The following CTDSP2 variants were observed in gnomAD, a reference collection of about 807,000 sequenced individuals.
The protein encoded by CTDSP2 is carboxy-terminal domain RNA polymerase II polypeptide A small phosphatase 2.
A neutral mutation model predicts 31.6 loss-of-function variants in CTDSP2; 9 were observed. That is an observed-to-expected ratio of 0.28 (90% CI 0.17 to 0.50). The LOEUF (loss-of-function observed/expected upper bound fraction) is 0.50. Ranked by LOEUF, CTDSP2 falls within the 20% of genes least tolerant of loss-of-function variation. The probability of loss-of-function intolerance (pLI) is 0.98; values close to 1 mark genes in which losing one functional copy is unlikely to be tolerated. For synonymous variants in CTDSP2, 134 were observed against 134.5 expected (o/e 1.00, Z 0.03); for missense variants, 267 against 348.5 (o/e 0.77, Z 1.86).
rs61390174 is a variant in CTDSP2 at position 57,832,790 on chromosome 12, T to TAAAAAAAAAAAA, written c.65-3206_65-3195dup. The stretch of plus-strand genomic sequence containing the variant: ...CTGGGCAACAGAGCGAGACTCTGGC[T>TAAAAAAAAAAAA]AAAAAAAAAAAAAAAAAAAAAAAAA... On this transcript the variant is annotated intron_variant, in intron 1 of 7. Transcript: ENST00000398073. Among the ~76,000 whole-genome samples, 6 of 44,898 alleles carry TAAAAAAAAAAAA rather than the reference T, an allele frequency of 1.3e-4. 1 individual carries two copies. The highest frequency in any genetic ancestry group is 3.3e-3 in the South Asian group (2 of 610). The allele number at this position is 44,898 out of a possible 152,430, so 29.5% of individuals were successfully genotyped here. A position where few individuals can be genotyped will look rare whatever the true frequency, so the allele number is the denominator to read the frequency against.
intron 1 of CTDSP2, among the ~76,000 whole-genome samples, chr12:57,831,515 T>G (rs1206810513): frequency 6.6e-6 from 1 of 152,196 alleles, no homozygotes; most frequent in African/African-American, 2.4e-5. Context: ...TGATGACTGT[T>G]GAGCAAGAGT....
chr12:57,822,734 C>G lies in CTDSP2; in HGVS notation c.*868G>C, dbSNP rs565869772. On this transcript the variant is annotated 3_prime_UTR_variant, in exon 8 of 8. Transcript: ENST00000398073. ...ATTTGTCTTTTCCCTGCAACCCCAG[C>G]GCCGCCGACATTCATTACAGGCCCA... 1.3e-5 allele frequency: 2 copies of G among 152,286 alleles called. No homozygotes were observed. Among genetic ancestry groups the G allele is most frequent in the Non-Finnish European group, 2.9e-5 (2 of 68,068 alleles). The allele number at this position is 152,286 out of a possible 1,614,324, so 9.4% of individuals were successfully genotyped here.
Position 57,823,426 on chromosome 12 carries a change from G to T in CTDSP2, c.*176C>A. ...GCGGCAGGTAGCTCTGGGTATCATTGGTCTGGCATTCGCCCACTCGGCATC... is the reference window on the plus strand; with the variant it reads ...GCGGCAGGTAGCTCTGGGTATCATTTGTCTGGCATTCGCCCACTCGGCATC... On this transcript the variant is annotated 3_prime_UTR_variant, in exon 8 of 8. Transcript: ENST00000398073. 1 of 655,994 alleles carries T rather than the reference G, an allele frequency of 1.5e-6. No individual in the cohort carries two copies. The highest frequency in any genetic ancestry group is 2.6e-6 in the Non-Finnish European group (1 of 385,924). The allele number at this position is 655,994 out of a possible 1,614,324, so 40.6% of individuals were successfully genotyped here.
In CTDSP2 at chr12:57,827,561, C is replaced by T. The variant is rs1276059329; in HGVS notation, c.243G>A (p.Gln81=). The change falls in exon 3 of 8, where the codon CAG becomes CAA. Residue 81 remains glutamine, a synonymous_variant. Coordinates refer to ENST00000398073, the MANE Select transcript of CTDSP2 (RefSeq NM_005730.4). ...GGCCAGAGTCACGTACCTGGTAGAA[C>T]TGGTACTGGAGACACTGGAGCAGAT... ...KSDLLQCLQY[Q]FYQIPGTCLL... is the part of the protein sequence containing the mutation. The T allele has an allele frequency of 1.2e-6, 2 of 1,614,070 alleles. No individual in the cohort carries two copies. The highest frequency in any genetic ancestry group is 1.7e-6 in the Non-Finnish European group (2 of 1,179,996).
At chr12:57,840,066 A>C (rs1956273446) in intron 1 of CTDSP2, among the ~76,000 whole-genome samples, 2 of 152,184 alleles carry the variant, frequency 1.3e-5, no homozygotes, top group South Asian at 4.1e-4. Context: ...GGGACCACCA[A>C]GAGGAATTTT....
chr12:57,824,654 A>C, intron 5 of CTDSP2: 1 of 554,096 alleles, frequency 1.8e-6, no homozygotes, highest in South Asian at 1.4e-5. Flanking sequence ...TCACAGATGG[A>C]AACAGCCTAT....
At position 57,826,370 on chromosome 12, in the gene CTDSP2, T is replaced by C; in HGVS notation, c.387A>G (p.Ile129Met). 2 of 1,614,108 alleles carry C rather than the reference T, an allele frequency of 1.2e-6. No homozygotes were observed. The highest frequency in any genetic ancestry group is 1.7e-6 in the Non-Finnish European group (2 of 1,180,004). The change falls in exon 5 of 8, where the codon ATA becomes ATG. Residue 129 changes from isoleucine to methionine, a missense_variant. Ile to Met is a conservative substitution (Grantham distance 10, BLOSUM62 1). Coordinates refer to ENST00000398073, the MANE Select transcript of CTDSP2 (RefSeq NM_005730.4). ...PINNADFIVP[I>M]EIEGTTHQVY... ...CCTGGTGAGTGGTCCCCTCAATCTCTATAGGCACTATGAAGTCAGCATTGT... is the reference window on the plus strand; with the variant it reads ...CCTGGTGAGTGGTCCCCTCAATCTCCATAGGCACTATGAAGTCAGCATTGT...
rs748943818 is a variant in CTDSP2 at position 57,846,382 on chromosome 12, G to C, written c.54C>G (p.Leu18=). ...AGTTGCTGCCCCTACCTTGCTTGGT[G>C]AGCACCAGGGCGTCTTCCCTCCGCG... The part of the protein sequence containing the change: ...TQARREDALV[L]TKQGLVSKSS... Residue 18 remains leucine, a synonymous_variant, in exon 1 of 8, where the codon CTC becomes CTG. Coordinates refer to ENST00000398073, the MANE Select transcript of CTDSP2 (RefSeq NM_005730.4). 1.9e-6 allele frequency: 3 copies of C among 1,608,358 alleles called. No individual in the cohort carries two copies. The South Asian group carries it at 3.3e-5, about 18-fold the overall frequency.
Position 57,829,608 on chromosome 12 carries a change from A to C in CTDSP2, c.65-12T>G, listed in dbSNP as rs1956203221. 1.2e-6 allele frequency: 2 copies of C among 1,612,276 alleles called. No individual in the cohort carries two copies. The highest frequency in any genetic ancestry group is 1.7e-6 in the Non-Finnish European group (2 of 1,178,432). On this transcript the variant is annotated splice_polypyrimidine_tract_variant and intron_variant, in intron 1 of 7. Transcript: ENST00000398073. ...CTTGGAGACCAGGCCTAGGGTGGAG[A>C]GAATGACAGAGGCTTTAGCTCTAGG...
At chr12:57,839,723 C>CAAA (rs369168386) in intron 1 of CTDSP2, among the ~76,000 whole-genome samples, 7 of 147,718 alleles carry the variant, frequency 4.7e-5, no homozygotes, top group Non-Finnish European at 7.5e-5. Context: ...GACTCCATCT[C>CAAA]AAAAAAAAAA....
intron 1 of CTDSP2, among the ~76,000 whole-genome samples, chr12:57,841,608 T>C (rs1233553509): frequency 1.3e-5 from 2 of 152,224 alleles, no homozygotes; most frequent in Non-Finnish European, 2.9e-5. Context: ...CCAAGTCACA[T>C]GACACAAAGA....
In CTDSP2 at chr12:57,846,623, G is replaced by C; in HGVS notation, c.-188C>G. On this transcript the variant is annotated 5_prime_UTR_variant, in exon 1 of 8. Coordinates refer to ENST00000398073, the MANE Select transcript of CTDSP2 (RefSeq NM_005730.4). ...GAGGCGGCCTGTACAAAGGGCGGGCGGCCCGGGCAGCGGCTCCCCCGGGTG... is the reference window on the plus strand; with the variant it reads ...GAGGCGGCCTGTACAAAGGGCGGGCCGCCCGGGCAGCGGCTCCCCCGGGTG... 2.1e-6 allele frequency: 1 copy of C among 486,906 alleles called. No homozygotes were observed. The highest frequency in any genetic ancestry group is 3.5e-6 in the Non-Finnish European group (1 of 287,640). 30.2% of individuals were successfully genotyped at this position (486,906 alleles called of 1,614,324 possible). A position where few individuals can be genotyped will look rare whatever the true frequency, so the allele number is the denominator to read the frequency against.
At chr12:57,823,864 C>T (rs2140472441) in intron 7 of CTDSP2, 40 bp downstream of exon 7, 3 of 1,611,498 alleles carry the variant, frequency 1.9e-6, no homozygotes, top group East Asian at 4.5e-5. Context: ...TCTGCTTCCT[C>T]TCCCAATCCC....
rs147247757 is a variant in CTDSP2 at position 57,830,212 on chromosome 12, T to C, written c.65-616A>G. Among the ~76,000 whole-genome samples the C allele has an allele frequency of 7.0e-3, 1,069 of 152,212 alleles. 14 individuals are homozygous for C. The highest frequency in any genetic ancestry group is 0.024 in the African/African-American group (1,010 of 41,528). ...CAATCTGGCTAACACGGTGAAACCC[T>C]GTCTCTACTAAAAATACAAAAAATT... On this transcript the variant is annotated intron_variant, in intron 1 of 7. Coordinates refer to ENST00000398073, the MANE Select transcript of CTDSP2 (RefSeq NM_005730.4).
intron 1 of CTDSP2, among the ~76,000 whole-genome samples, chr12:57,841,815 G>A (rs4760334): frequency 0.99 from 151,107 of 152,352 alleles, 74,950 homozygotes; most frequent in Middle Eastern, 1. Context: ...TATGTAAAGA[G>A]GGAGGACATT....
At chr12:57,838,315 C>A (rs760902431) in intron 1 of CTDSP2, among the ~76,000 whole-genome samples, 2 of 152,214 alleles carry the variant, frequency 1.3e-5, no homozygotes, top group Non-Finnish European at 2.9e-5. Context: ...ACTCAAAGGA[C>A]TGGATCCTGC....
At chr12:57,827,895 A>C (rs1246540290) in intron 2 of CTDSP2, among the ~76,000 whole-genome samples, 1 of 152,232 alleles carries the variant, frequency 6.6e-6, no homozygotes, top group Non-Finnish European at 1.5e-5. Context: ...TCAGGGACAC[A>C]GAGTCAGAGG....
chr12:57,846,306 C>T, intron 1 of CTDSP2, 66 bp downstream of exon 1: 2 of 1,455,026 alleles, frequency 1.4e-6, no homozygotes, highest in East Asian at 2.5e-5. Flanking sequence ...GACCTGGGTT[C>T]GGGGCTGTGC....
At chr12:57,845,070 G>T (rs1292513883) in intron 1 of CTDSP2, among the ~76,000 whole-genome samples, 1 of 152,186 alleles carries the variant, frequency 6.6e-6, no homozygotes, top group African/African-American at 2.4e-5. Context: ...GGGAGACGTG[G>T]GGCGCACGAG....
Sources: allele counts gnomAD v4.1 joint callset (sites outside exome capture counted in the v4.1 genomes callset), GRCh38; gene constraint gnomAD v4.1.1; transcripts MANE v1.5; gene names NCBI Gene and HGNC (gene_info 2026-07-23, HGNC 2026-07-21).